ACACA: variants seen among roughly 807,000 people sequenced by gnomAD.
The protein encoded by ACACA is acetyl-CoA carboxylase alpha.
A neutral mutation model predicts 296.1 loss-of-function variants in ACACA; 103 were observed. That is an observed-to-expected ratio of 0.35 (90% CI 0.30 to 0.41). ACACA has a LOEUF of 0.41. ACACA is among the 10% of genes least tolerant of loss of function. The pLI is 1.00. For synonymous variants in ACACA, 953 were observed against 1,038.6 expected, an observed-to-expected ratio of 0.92 and a Z score of 1.58; for missense variants, 1,554 against 2,989.7, an observed-to-expected ratio of 0.52 and a Z score of 11.20.
At chr17:37,178,669 T>C (rs2077207593) in intron 41 of ACACA, among the ~76,000 whole-genome samples, 1 of 151,996 alleles carries the variant, frequency 6.6e-6, no homozygotes, top group Non-Finnish European at 1.5e-5. Context: ...AGTGTAGTGG[T>C]GCACACCTGT....
In ACACA at chr17:37,277,959, T is replaced by C. The variant is rs371069630; in HGVS notation, c.657A>G (p.Pro219=). ...CCACATTTGCATAGTTGTTGTTGTTTGGTCCTCCAGGCACTGGCACATAGT... is the reference window on the plus strand; with the variant it reads ...CCACATTTGCATAGTTGTTGTTGTTCGGTCCTCCAGGCACTGGCACATAGT... ...ADHYVPVPGG[P]NNNNYANVEL... Residue 219 remains proline (P), a synonymous_variant, in exon 6 of 56, where the codon CCA becomes CCG. Transcript: ENST00000616317. 2 of 1,613,998 alleles carry C rather than the reference T, an allele frequency of 1.2e-6. No individual in the cohort carries two copies. Among genetic ancestry groups the C allele is most frequent in the African/African-American group, 2.7e-5 (2 of 74,934 alleles).
intron 25 of ACACA, 147 bp downstream of exon 25, chr17:37,234,827 GA>G: frequency 1.1e-6 from 1 of 908,172 alleles, no homozygotes; most frequent in Non-Finnish European, 1.7e-6. Flanking sequence ...GTAGATGTGA[GA>G]AACTGTTAAT....
intron 35 of ACACA, among the ~76,000 whole-genome samples, chr17:37,194,734 T>C (rs772593307): frequency 2.6e-5 from 4 of 152,214 alleles, no homozygotes; most frequent in Admixed American, 6.5e-5. Context: ...TACACCTCAC[T>C]CTCACCTTAA....
chr17:37,377,359 T>G (rs1456579217), intron 1 of ACACA, among the ~76,000 whole-genome samples: 1 of 152,152 alleles, frequency 6.6e-6, no homozygotes, highest in African/African-American at 2.4e-5. Context: ...TGTATTTGGC[T>G]GGGTGTTCTT....
chr17:37,192,358 A>G, intron 36 of ACACA, 53 bp from the exon 37 acceptor site: 5 of 1,495,480 alleles, frequency 3.3e-6, no homozygotes, highest in Non-Finnish European at 4.6e-6. Context: ...TTACAAAATT[A>G]TACTATGAAT....
chr17:37,405,779 C>G (rs1349827843), intron 1 of ACACA, among the ~76,000 whole-genome samples: 23 of 151,422 alleles, frequency 1.5e-4, no homozygotes, highest in Non-Finnish European at 1.5e-5. Flanking sequence ...GTCTAGAACT[C>G]CAGACCCTGT....
chr17:37,178,255 A>G (rs1003306142), intron 41 of ACACA, among the ~76,000 whole-genome samples: 1 of 152,206 alleles, frequency 6.6e-6, no homozygotes, highest in African/African-American at 2.4e-5. Flanking sequence ...ATCACTATTC[A>G]TAGGTTACTC....
rs961465742 is a variant in ACACA at position 37,257,647 on chromosome 17, C to G, written c.1826+56G>C. The G allele has an allele frequency of 3.8e-6, 6 of 1,578,532 alleles. No individual in the cohort carries two copies. The African/African-American group carries it at 8.1e-5, about 21-fold the overall frequency. On this transcript the variant is annotated intron_variant, in intron 14 of 55. Coordinates refer to ENST00000616317, the MANE Select transcript of ACACA (RefSeq NM_198834.3). Reference sequence around the variant, plus strand: ...TCCTATTCCCATGCTCACACCTTCACTTAAGATTAGCACAAATTTATTTTG... The same window carrying G: ...TCCTATTCCCATGCTCACACCTTCAGTTAAGATTAGCACAAATTTATTTTG...
chr17:37,181,155 C>T, intron 40 of ACACA, 46 bp downstream of exon 40: 3 of 1,609,424 alleles, frequency 1.9e-6, no homozygotes, highest in Non-Finnish European at 2.6e-6. Flanking sequence ...TTCAGGGAAA[C>T]CTTGCCTCCT....
intron 1 of ACACA, among the ~76,000 whole-genome samples, chr17:37,349,050 TTTATTATTTA>T (rs1333177079): frequency 1.3e-5 from 2 of 150,230 alleles, no homozygotes; most frequent in African/African-American, 5.0e-5. Context: ...CAACATATTC[TTTATTATTTA>T]TTATTATTAT....
rs576636199 is a variant in ACACA at position 37,267,996 on chromosome 17, ACTT to A, written c.1119+2752_1119+2754del. ...GGCTGGTCTTGAACCCCTGATATTG[ACTT>A]CTTAATTTTAGTTATTGCATTTTCA... is the stretch of plus-strand genomic sequence containing the variant. On this transcript the variant is annotated intron_variant, in intron 10 of 55. Transcript: ENST00000616317. 3.9e-3 allele frequency among the ~76,000 whole-genome samples: 586 copies of A among 151,748 alleles called. 3 individuals are homozygous for A. Among genetic ancestry groups the A allele is most frequent in the African/African-American group, 0.013 (540 of 41,378 alleles).
At chr17:37,260,847 T>A (rs2081483761) in intron 11 of ACACA, among the ~76,000 whole-genome samples, 1 of 152,018 alleles carries the variant, frequency 6.6e-6, no homozygotes, top group South Asian at 2.1e-4. Flanking sequence ...CACCTCAGAC[T>A]AGGATGGGAG....
chr17:37,090,106 G>A lies in ACACA; in HGVS notation c.6892-1032C>T, dbSNP rs139160671. ...ACTCTGAGGCTTTGAGGTTTGAGAC[G>A]TGGCTACAGGAAGCCTGTATGCAAG... On this transcript the variant is annotated intron_variant, in intron 54 of 55. Transcript: ENST00000616317. 3.7e-3 allele frequency among the ~76,000 whole-genome samples: 559 copies of A among 152,280 alleles called. 3 individuals carry two copies. Among genetic ancestry groups the A allele is most frequent in the Non-Finnish European group, 6.2e-3 (425 of 68,022 alleles).
intron 28 of ACACA, 126 bp from the exon 29 acceptor site, chr17:37,221,968 G>T: frequency 2.6e-6 from 2 of 772,892 alleles, no homozygotes; most frequent in Non-Finnish European, 4.5e-6. Context: ...AAGTCCCAAG[G>T]CCCTATGTAT....
intron 54 of ACACA, among the ~76,000 whole-genome samples, chr17:37,095,922 A>T (rs2072959969): frequency 6.6e-6 from 1 of 152,064 alleles, no homozygotes; most frequent in Non-Finnish European, 1.5e-5. Flanking sequence ...GACCCGCCCC[A>T]TCCCCAACAC....
chr17:37,214,838 TACA>T (rs1179143243), intron 29 of ACACA, among the ~76,000 whole-genome samples: 2 of 152,208 alleles, frequency 1.3e-5, no homozygotes, highest in Non-Finnish European at 2.9e-5. Flanking sequence ...GCTTGCTAAC[TACA>T]ACAAGTGCTC....
At chr17:37,206,642 G>A in intron 32 of ACACA, 141 bp downstream of exon 32, 2 of 684,284 alleles carry the variant, frequency 2.9e-6, no homozygotes, top group Non-Finnish European at 5.0e-6. Context: ...ATACTTTGGT[G>A]AGGCATACAA....
intron 54 of ACACA, among the ~76,000 whole-genome samples, chr17:37,093,940 T>G (rs1368755072): frequency 6.6e-6 from 1 of 152,228 alleles, no homozygotes; most frequent in Non-Finnish European, 1.5e-5. Context: ...CCGAAGTTTA[T>G]GAGATTTCAA....
intron 1 of ACACA, among the ~76,000 whole-genome samples, chr17:37,352,567 A>G (rs1191594173): frequency 1.3e-5 from 2 of 151,940 alleles, no homozygotes; most frequent in Non-Finnish European, 2.9e-5. Flanking sequence ...AAGAAAAAAA[A>G]AAATAGCCAG....
Sources: gnomAD v4.1 joint callset for allele counts (sites outside exome capture counted in the v4.1 genomes callset) on GRCh38, gnomAD v4.1.1 for gene constraint, MANE v1.5 for transcripts, NCBI Gene and HGNC (gene_info 2026-07-23, HGNC 2026-07-21) for gene names.